The following CFAP299 variants were observed in gnomAD, a reference collection of about 807,000 sequenced individuals.
CFAP299 encodes cilia and flagella associated protein 299.
Under a neutral mutation model 27.0 loss-of-function variants are expected in CFAP299, and 21 were observed. That is an observed-to-expected ratio of 0.78 (90% CI 0.55 to 1.12). CFAP299 has a LOEUF of 1.12. Ranked by LOEUF, CFAP299 falls within the 50% of genes most tolerant of loss-of-function variation. CFAP299 has a pLI of 0.00. For missense variants in CFAP299, 310 were observed against 276.6 expected (o/e 1.12, Z -0.86); for synonymous variants, 104 against 98.1 (o/e 1.06, Z -0.36).
intron 4 of CFAP299, among the ~76,000 whole-genome samples, chr4:80,934,151 T>C (rs559120510): frequency 1.3e-5 from 2 of 152,238 alleles, no homozygotes; most frequent in East Asian, 3.9e-4. Flanking sequence ...TGTCAACTTT[T>C]GTCAAATGCT....
At chr4:80,387,600 G>A (rs1316675871) in intron 2 of CFAP299, 1 of 1,226,412 alleles carries the variant, frequency 8.2e-7, no homozygotes, top group East Asian at 2.3e-5. Flanking sequence ...CAGTCACAGA[G>A]TTTCGAGACA....
chr4:80,506,539 A>G (rs1732046664), intron 2 of CFAP299, among the ~76,000 whole-genome samples: 1 of 152,172 alleles, frequency 6.6e-6, no homozygotes, highest in Non-Finnish European at 1.5e-5. Flanking sequence ...AGAAAAAGAA[A>G]ATTTGGGGAA....
chr4:80,806,523 G>A (rs1197877733), intron 3 of CFAP299, among the ~76,000 whole-genome samples: 1 of 152,158 alleles, frequency 6.6e-6, no homozygotes, highest in Non-Finnish European at 1.5e-5. Context: ...TATTATTCTA[G>A]AGATAAATCA....
In CFAP299 at chr4:80,395,747, G is replaced by A. The variant is rs114584445; in HGVS notation, c.242+32863G>A. On this transcript the variant is annotated intron_variant, in intron 2 of 5. Transcript: ENST00000358105. Reference sequence around the variant, plus strand: ...AGCTTCTTGCCATTTTTAACAATTTGGACTGAAGTATTAAAATTAAATTCA... The same window carrying A: ...AGCTTCTTGCCATTTTTAACAATTTAGACTGAAGTATTAAAATTAAATTCA... Among the ~76,000 whole-genome samples, 725 of 152,006 alleles carry A rather than the reference G, an allele frequency of 4.8e-3. 4 individuals carry two copies. The highest frequency in any genetic ancestry group is 0.021 in the Middle Eastern group (6 of 292).
chr4:80,929,744 G>GGGCATATCTC (rs1453307582), intron 4 of CFAP299, among the ~76,000 whole-genome samples: 1 of 152,020 alleles, frequency 6.6e-6, no homozygotes, highest in Non-Finnish European at 1.5e-5. Context: ...CTGCATATCT[G>GGGCATATCTC]GGCATATCTC....
intron 2 of CFAP299, among the ~76,000 whole-genome samples, chr4:80,503,555 T>G (rs139510786): frequency 6.6e-6 from 1 of 152,268 alleles, no homozygotes; most frequent in Non-Finnish European, 1.5e-5. Context: ...ATCAGAATCC[T>G]GATTCCTCCA....
At chr4:80,429,871 A>C (rs1048689340) in intron 2 of CFAP299, among the ~76,000 whole-genome samples, 5 of 152,110 alleles carry the variant, frequency 3.3e-5, no homozygotes, top group African/African-American at 2.4e-5. Context: ...CATATTTGTA[A>C]AGGCACAAGG....
chr4:80,347,171 G>A (rs1231183287), intron 1 of CFAP299, among the ~76,000 whole-genome samples: 1 of 151,908 alleles, frequency 6.6e-6, no homozygotes. Context: ...AGGAGATTTT[G>A]GACTGAGACG....
chr4:80,925,822 T>C (rs969657445), intron 4 of CFAP299, among the ~76,000 whole-genome samples: 3 of 152,180 alleles, frequency 2.0e-5, no homozygotes, highest in Middle Eastern at 6.8e-3. Context: ...GTGATGAACA[T>C]TTATTGGAAC....
chr4:80,483,089 G>A (rs1335970690), intron 2 of CFAP299, among the ~76,000 whole-genome samples: 1 of 152,180 alleles, frequency 6.6e-6, no homozygotes, highest in Non-Finnish European at 1.5e-5. Flanking sequence ...TTATACAGGT[G>A]CATTCAATGT....
intron 1 of CFAP299, among the ~76,000 whole-genome samples, chr4:80,341,286 T>C (rs1722437562): frequency 6.6e-6 from 1 of 152,212 alleles, no homozygotes; most frequent in Non-Finnish European, 1.5e-5. Context: ...GTCCAGGCAG[T>C]GTGGATGAGG....
At chr4:80,525,333 G>A (rs980481782) in intron 2 of CFAP299, among the ~76,000 whole-genome samples, 3 of 152,164 alleles carry the variant, frequency 2.0e-5, no homozygotes, top group Non-Finnish European at 4.4e-5. Flanking sequence ...ATCATGCAAC[G>A]CCTGTGAATT....
rs151251894 is a variant in CFAP299 at position 80,386,512 on chromosome 4, T to TGG, written c.242+23639_242+23640dup. ...GCTGCCCTCTTCTCGCGGGCGGTGG[T>TGG]GGGGGGGGGGGGTGCCGCCGGGTTT... On this transcript the variant is annotated intron_variant, in intron 2 of 5. Transcript: ENST00000358105. The TGG allele has an allele frequency of 1.5e-4, 217 of 1,469,816 alleles. No individual in the cohort carries two copies. In the African/African-American group the frequency reaches 3.0e-3, roughly 21 times the overall value. 91.0% of individuals were successfully genotyped at this position (1,469,816 alleles called of 1,614,324 possible). A position where few individuals can be genotyped will look rare whatever the true frequency, so the allele number is the denominator to read the frequency against.
intron 2 of CFAP299, among the ~76,000 whole-genome samples, chr4:80,425,427 C>G (rs1412055524): frequency 6.6e-6 from 1 of 152,176 alleles, no homozygotes; most frequent in Non-Finnish European, 1.5e-5. Flanking sequence ...TTTATTACTA[C>G]TCATAAATTT....
chr4:80,699,679 G>T (rs1578035296), intron 3 of CFAP299, among the ~76,000 whole-genome samples: 1 of 152,252 alleles, frequency 6.6e-6, no homozygotes, highest in Non-Finnish European at 1.5e-5. Flanking sequence ...CAAGTCATTT[G>T]TGAGCTCACT....
chr4:80,842,823 C>A (rs751783661), intron 3 of CFAP299, among the ~76,000 whole-genome samples: 21 of 152,260 alleles, frequency 1.4e-4, no homozygotes, highest in African/African-American at 4.6e-4. Context: ...AGACTCTTTG[C>A]AGCTGTGCAT....
At chr4:80,327,563 G>T in the CFAP299 span, among the ~76,000 whole-genome samples, 1 of 151,480 alleles carries the variant, frequency 6.6e-6, no homozygotes, top group African/African-American at 2.4e-5. Flanking sequence ...GGAAAGTAAA[G>T]AAGCCATTTA....
intron 2 of CFAP299, among the ~76,000 whole-genome samples, chr4:80,515,153 G>A (rs958429536): frequency 6.6e-6 from 1 of 152,046 alleles, no homozygotes; most frequent in African/African-American, 2.4e-5. Flanking sequence ...TTTAAACCAA[G>A]CATCAATTAT....
In CFAP299 at chr4:80,362,623, GT is replaced by G. The variant is rs376965726; in HGVS notation, c.112-126del. 440 of 998,144 alleles carry G rather than the reference GT, an allele frequency of 4.4e-4. 6 individuals are homozygous for G. The South Asian group carries it at 0.01, about 23-fold the overall frequency. The allele number at this position is 998,144 out of a possible 1,614,324, so 61.8% of individuals were successfully genotyped here. A position where few individuals can be genotyped will look rare whatever the true frequency, so the allele number is the denominator to read the frequency against. On this transcript the variant is annotated intron_variant, in intron 1 of 5. Transcript: ENST00000358105. ...TTTTATATCTAATAGATCATGTCTA[GT>G]TTTTAAATACATTTAATTTTTCATT...
Sources: gnomAD v4.1 joint callset for allele counts (sites outside exome capture counted in the v4.1 genomes callset) on GRCh38, gnomAD v4.1.1 for gene constraint, MANE v1.5 for transcripts, NCBI Gene and HGNC (gene_info 2026-07-23, HGNC 2026-07-21) for gene names.